The following CLASP2 variants were observed in gnomAD, a reference collection of about 807,000 sequenced individuals.
CLASP2 encodes CLIP-associating protein 2.
CLASP2 carries 47 observed loss-of-function variants against 194.4 expected under a neutral mutation model. The ratio of observed to expected loss-of-function variants is 0.24; its 90% CI spans 0.19 to 0.31. The LOEUF is 0.31. Ranked by LOEUF, CLASP2 falls within the 10% of genes least tolerant of loss-of-function variation. The pLI, the probability that CLASP2 is intolerant of heterozygous loss-of-function variation, is 1.00. For synonymous variants in CLASP2, 619 were observed against 633.5 expected (o/e 0.98, Z 0.34); for missense variants, 1,445 against 1,823.6 (o/e 0.79, Z 3.78).
At chr3:33,632,153 G>A in intron 9 of CLASP2, 139 bp downstream of exon 9, 1 of 499,116 alleles carries the variant, frequency 2.0e-6, no homozygotes, top group Middle Eastern at 2.9e-4. Flanking sequence ...AACAAATAAT[G>A]GCTTGGTATT....
At chr3:33,538,333 C>G (rs2057756653) in intron 33 of CLASP2, among the ~76,000 whole-genome samples, 1 of 152,206 alleles carries the variant, frequency 6.6e-6, no homozygotes, top group African/African-American at 2.4e-5. Flanking sequence ...GGTTTCAATG[C>G]AAATGCTACC....
At chr3:33,526,991 T>A (rs74345235) in intron 34 of CLASP2, among the ~76,000 whole-genome samples, 14,709 of 152,194 alleles carry the variant, frequency 0.097, 1,035 homozygotes, top group Non-Finnish European at 0.14. Context: ...TGTTAAGAGG[T>A]AAATTCATAG....
At chr3:33,708,749 T>A (rs1334123835) in intron 1 of CLASP2, among the ~76,000 whole-genome samples, 1 of 152,042 alleles carries the variant, frequency 6.6e-6, no homozygotes, top group African/African-American at 2.4e-5. Context: ...GTAGTTCTAT[T>A]TTTAACTTTC....
At chr3:33,699,441 G>T (rs1200747379) in intron 1 of CLASP2, among the ~76,000 whole-genome samples, 1 of 151,198 alleles carries the variant, frequency 6.6e-6, no homozygotes, top group East Asian at 1.9e-4. Context: ...AAAACCAAAG[G>T]AAAGAAAAAT....
intron 18 of CLASP2, chr3:33,602,743 T>C (rs943926888): frequency 1.5e-6 from 1 of 681,550 alleles, no homozygotes; most frequent in Non-Finnish European, 2.6e-6. Context: ...AATTGTTTCT[T>C]TGATCAAGAC....
intron 13 of CLASP2, among the ~76,000 whole-genome samples, chr3:33,609,793 G>A (rs1434658469): frequency 6.6e-6 from 1 of 152,166 alleles, no homozygotes; most frequent in African/African-American, 2.4e-5. Flanking sequence ...TCTCTACATA[G>A]GCAGTGAATG....
intron 1 of CLASP2, among the ~76,000 whole-genome samples, chr3:33,712,733 C>A (rs539718899): frequency 2.4e-4 from 36 of 152,000 alleles, no homozygotes; most frequent in Non-Finnish European, 4.6e-4. Context: ...GAGGCCAAGG[C>A]GGGTGGATCA....
chr3:33,516,986 T>C lies in CLASP2; in HGVS notation c.3976A>G (p.Lys1326Glu). ...TTACATATTTTGCCATTTACCTCTTTATCTCCAAGCGTTTCAAGCAATAAA... is the reference window on the plus strand; with the variant it reads ...TTACATATTTTGCCATTTACCTCTTCATCTCCAAGCGTTTCAAGCAATAAA... ...LLLLLETLGD[K>E]EPTIRALALK... Residue 1326 changes from lysine to glutamate, a missense_variant, in exon 35 of 39, where the codon AAA (lysine) becomes GAA (glutamate). By Grantham distance (56) the Lys-to-Glu change is moderately conservative (BLOSUM62 1). This residue lies in a region of CLASP2 where 732 missense variants were observed against 987.9 expected (regional missense o/e 0.74). Coordinates refer to ENST00000682230, the MANE Select transcript of CLASP2 (RefSeq NM_001365631.1). The C allele has an allele frequency of 6.2e-7, 1 of 1,612,540 alleles. No individual in the cohort carries two copies. The highest frequency in any genetic ancestry group is 1.1e-5 in the South Asian group (1 of 90,812).
At chr3:33,609,252 C>T (rs2074591088) in intron 13 of CLASP2, among the ~76,000 whole-genome samples, 1 of 152,008 alleles carries the variant, frequency 6.6e-6, no homozygotes. Flanking sequence ...TGTACTCCAG[C>T]CTGGGCAACA....
chr3:33,631,442 C>T (rs1019972844), intron 9 of CLASP2, among the ~76,000 whole-genome samples: 10 of 151,988 alleles, frequency 6.6e-5, no homozygotes, highest in African/African-American at 1.2e-4. Context: ...ACGCCTGTAA[C>T]CCCAGCACTT....
At chr3:33,559,665 C>T (rs1021327443) in intron 28 of CLASP2, among the ~76,000 whole-genome samples, 4 of 152,154 alleles carry the variant, frequency 2.6e-5, no homozygotes, top group African/African-American at 2.4e-5. Context: ...GAGGCTGAGG[C>T]GGGCGGATCA....
At chr3:33,709,144 G>A (rs1441125273) in intron 1 of CLASP2, among the ~76,000 whole-genome samples, 1 of 152,100 alleles carries the variant, frequency 6.6e-6, no homozygotes. Context: ...TTTGTTGCCT[G>A]TATTTTCATG....
chr3:33,650,660 A>G (rs1346334909), intron 7 of CLASP2, among the ~76,000 whole-genome samples: 1 of 152,054 alleles, frequency 6.6e-6, no homozygotes, highest in Non-Finnish European at 1.5e-5. Context: ...GAGATGAAAT[A>G]CAGGAAGAGG....
At chr3:33,551,540 C>T (rs552581463) in intron 29 of CLASP2, 145 bp from the exon 30 acceptor site, 18 of 730,802 alleles carry the variant, frequency 2.5e-5, no homozygotes, top group Admixed American at 3.0e-5. Context: ...GTTGGTCTTG[C>T]GCTCCTGGCC....
At chr3:33,546,536 G>A (rs534803325) in intron 30 of CLASP2, among the ~76,000 whole-genome samples, 338 of 152,182 alleles carry the variant, frequency 2.2e-3, no homozygotes, top group Non-Finnish European at 3.9e-3. Flanking sequence ...TTTACAAAAG[G>A]TTTTATAAAT....
chr3:33,589,546 T>G (rs753758329), intron 21 of CLASP2, among the ~76,000 whole-genome samples: 3 of 152,082 alleles, frequency 2.0e-5, no homozygotes, highest in African/African-American at 7.2e-5. Flanking sequence ...ATGGAACATA[T>G]AGTCATTCAA....
intron 12 of CLASP2, among the ~76,000 whole-genome samples, chr3:33,618,671 A>T (rs190956850): frequency 2.6e-5 from 4 of 152,092 alleles, no homozygotes; most frequent in Admixed American, 6.5e-5. Context: ...AATAAAAAAT[A>T]AAAAAAAGGA....
At chr3:33,702,576 A>G (rs1042804515) in intron 1 of CLASP2, among the ~76,000 whole-genome samples, 1 of 152,170 alleles carries the variant, frequency 6.6e-6, no homozygotes. Context: ...TAAAAAGCAT[A>G]AACAACAAAC....
rs1022177758 is a variant in CLASP2 at position 33,708,192 on chromosome 3, A to G, written c.195+9616T>C. 5.3e-5 allele frequency among the ~76,000 whole-genome samples: 8 copies of G among 151,676 alleles called. No individual in the cohort carries two copies. In the South Asian group the frequency reaches 1.7e-3, roughly 32 times the overall value. On this transcript the variant is annotated intron_variant, in intron 1 of 38. Coordinates refer to ENST00000682230, the MANE Select transcript of CLASP2 (RefSeq NM_001365631.1). ...ACTCATCGTATAACAGAAAGCATGT[A>G]CCCTTTGACCAATACCTCCCCTTTT...
Sources: allele counts gnomAD v4.1 joint callset (sites outside exome capture counted in the v4.1 genomes callset), GRCh38; gene constraint gnomAD v4.1.1; regional missense constraint gnomAD v4.1.1; transcripts MANE v1.5; gene names NCBI Gene and HGNC (gene_info 2026-07-23, HGNC 2026-07-21).